Variants in SUCO observed in about 807,000 individuals in gnomAD.
The protein encoded by SUCO is SUN domain containing ossification factor.
A neutral mutation model predicts 148.1 loss-of-function variants in SUCO; 57 were observed. The ratio of observed to expected loss-of-function variants is 0.38; its 90% confidence interval spans 0.31 to 0.48. The LOEUF (loss-of-function observed/expected upper bound fraction) is 0.48. Among genes scored for constraint, SUCO ranks in the 20% least tolerant of loss-of-function variants. The pLI, the probability that SUCO is intolerant of heterozygous loss-of-function variation, is 0.96. For missense variants in SUCO, 1,331 were observed against 1,468.2 expected (o/e 0.91, Z 1.53); for synonymous variants, 470 against 502.7 (o/e 0.93, Z 0.87).
chr1:172,595,232 C>G (rs902672551), intron 19 of SUCO, among the ~76,000 whole-genome samples: 1 of 151,800 alleles, frequency 6.6e-6, no homozygotes, highest in Non-Finnish European at 1.5e-5. Context: ...CTTGACTATC[C>G]AATTTGCCAG....
At chr1:172,591,639 A>G (rs1571270547) in intron 19 of SUCO, among the ~76,000 whole-genome samples, 1 of 151,986 alleles carries the variant, frequency 6.6e-6, no homozygotes, top group Non-Finnish European at 1.5e-5. Flanking sequence ...ATAGTATTCC[A>G]TGGTGTATAT....
intron 19 of SUCO, among the ~76,000 whole-genome samples, chr1:172,593,219 A>T (rs1656806016): frequency 1.3e-5 from 2 of 152,256 alleles, no homozygotes; most frequent in South Asian, 4.1e-4. Context: ...GTTATCTGCA[A>T]ACAGGGACAA....
chr1:172,609,536 C>T (rs1658075082), intron 23 of SUCO: 3 of 976,220 alleles, frequency 3.1e-6, no homozygotes, highest in African/African-American at 1.8e-5. Context: ...TGCTCTCTGG[C>T]AGTTAGTAGG....
intron 22 of SUCO, among the ~76,000 whole-genome samples, chr1:172,604,086 A>G (rs1405851512): frequency 6.6e-6 from 1 of 151,936 alleles, no homozygotes; most frequent in Non-Finnish European, 1.5e-5. Flanking sequence ...TCAGCTGCGT[A>G]TGAGAGTTAC....
intron 22 of SUCO, chr1:172,603,005 T>C: frequency 2.2e-6 from 1 of 450,140 alleles, no homozygotes; most frequent in Non-Finnish European, 3.9e-6. Flanking sequence ...TTAGTTTAAT[T>C]AGCAGTTGGT....
In SUCO at chr1:172,572,366, T is replaced by C. The variant is rs1357066241; in HGVS notation, c.1050-1525T>C. On this transcript the variant is annotated intron_variant, in intron 9 of 23. Transcript: ENST00000263688. ...TTTGTTCTGTACTAAGAAAAATTCTTCTGCCTTGTGATCCTGTTGATCGGT... is the reference window on the plus strand; with the variant it reads ...TTTGTTCTGTACTAAGAAAAATTCTCCTGCCTTGTGATCCTGTTGATCGGT... 2.0e-5 allele frequency among the ~76,000 whole-genome samples: 3 copies of C among 151,948 alleles called. No homozygotes were observed. In the East Asian group the frequency reaches 5.8e-4, roughly 30 times the overall value.
chr1:172,557,312 C>T lies in SUCO; in HGVS notation c.476C>T (p.Ala159Val). Residue 159 changes from alanine to valine, a missense_variant, in exon 5 of 24, where the codon GCC (alanine) becomes GTC (valine). Coordinates refer to ENST00000263688, the MANE Select transcript of SUCO (RefSeq NM_014283.5). ...EIEKSGTIPI[A>V]KPSETEQSET... is the part of the protein sequence containing the mutation. ...GAAAAATCTGGTACTATTCCGATAG[C>T]CAAACCAAGTGAAACTGAGCAGTCT... The T allele has an allele frequency of 6.2e-7, 1 of 1,613,764 alleles. No homozygotes were observed.
At chr1:172,575,711 A>C (rs1179496079) in intron 11 of SUCO, 88 bp downstream of exon 11, 2 of 857,186 alleles carry the variant, frequency 2.3e-6, no homozygotes, top group Non-Finnish European at 3.7e-6. Context: ...TAGAAATCAG[A>C]AAAGTTAAGA....
At position 172,575,610 on chromosome 1, in the gene SUCO, CA is replaced by C; in HGVS notation, c.1254del (p.Lys418AsnfsTer10). The C allele has an allele frequency of 6.2e-7, 1 of 1,604,246 alleles. No individual in the cohort carries two copies. Among genetic ancestry groups the C allele is most frequent in the Non-Finnish European group, 8.5e-7 (1 of 1,171,928 alleles). On this transcript the variant is annotated frameshift_variant, in exon 11 of 24. Coordinates refer to ENST00000263688, the MANE Select transcript of SUCO (RefSeq NM_014283.5). LOFTEE classifies it high-confidence loss of function. The stretch of plus-strand genomic sequence containing the variant: ...TTCCCTTTAGATGAACAGATGTATG[CA>C]AAATATGTCAAGGTAATGTTTACAC... ...QSFPLDEQMY[A>X]KYVKMFIKYI... is the part of the protein sequence containing the mutation.
intron 9 of SUCO, among the ~76,000 whole-genome samples, chr1:172,571,561 T>A (rs950098387): frequency 0.011 from 1,585 of 144,418 alleles, 34 homozygotes; most frequent in African/African-American, 0.038. Flanking sequence ...GGCTGCCCAG[T>A]CTGGAAAGTG....
At chr1:172,550,867 A>G in intron 1 of SUCO, 1 of 976,858 alleles carries the variant, frequency 1.0e-6, no homozygotes, top group Non-Finnish European at 1.2e-6. Context: ...TTTGCATAGC[A>G]AATCAAGTTG....
chr1:172,544,318 TAGG>T, intron 1 of SUCO: 1 of 172,244 alleles, frequency 5.8e-6, no homozygotes, highest in Middle Eastern at 3.0e-3. Context: ...TAGTTCAAAG[TAGG>T]AGCTCAATAG....
Position 172,557,353 on chromosome 1 carries a change from G to A in SUCO, c.517G>A (p.Val173Ile). ...TGAGCAGTCTGAAACTGATTGTGAT[G>A]TTGGTGAGGCCCTTGATGCTAGTGC... is the stretch of plus-strand genomic sequence containing the variant. ...ETEQSETDCD[V>I]GEALDASAPI... The change falls in exon 5 of 24, where the codon GTT becomes ATT. Residue 173 changes from valine (V) to isoleucine (I), a missense_variant. By Grantham distance (29) the Val-to-Ile change is conservative (BLOSUM62 3). Transcript: ENST00000263688. 6.2e-7 allele frequency: 1 copy of A among 1,614,054 alleles called. No individual in the cohort carries two copies. The highest frequency in any genetic ancestry group is 8.5e-7 in the Non-Finnish European group (1 of 1,179,922).
intron 6 of SUCO, among the ~76,000 whole-genome samples, chr1:172,562,217 A>G (rs1215868452): frequency 6.6e-6 from 1 of 152,050 alleles, no homozygotes; most frequent in East Asian, 1.9e-4. Flanking sequence ...AAAAAAAGCT[A>G]AAAGAGTTAA....
At chr1:172,604,396 T>A (rs1657726491) in intron 22 of SUCO, among the ~76,000 whole-genome samples, 1 of 151,938 alleles carries the variant, frequency 6.6e-6, no homozygotes. Flanking sequence ...AATTCATTTA[T>A]TTCTTCTGTT....
At position 172,579,086 on chromosome 1, in the gene SUCO, TATC is replaced by T. The variant is rs555169932; in HGVS notation, c.1433-113_1433-111del. 7.8e-4 allele frequency: 488 copies of T among 628,574 alleles called. 3 individuals are homozygous for T. In the African/African-American group the frequency reaches 8.6e-3, roughly 11 times the overall value. 38.9% of individuals were successfully genotyped at this position (628,574 alleles called of 1,614,324 possible). On this transcript the variant is annotated intron_variant, in intron 14 of 23. Coordinates refer to ENST00000263688, the MANE Select transcript of SUCO (RefSeq NM_014283.5). ...ATGTTTTAGATATATGATTCATATT[TATC>T]ATAAAATGTTTTAAATGTCAGCTGA... is the stretch of plus-strand genomic sequence containing the variant.
chr1:172,569,107 G>A lies in SUCO; in HGVS notation c.821G>A (p.Trp274Ter). The A allele has an allele frequency of 6.3e-7, 1 of 1,578,006 alleles. No individual in the cohort carries two copies. The highest frequency in any genetic ancestry group is 1.4e-5 in the African/African-American group (1 of 73,280). ...DPEDIPTFDE[W>*]KKKVMEVEKE... ...GAAGATATACCAACATTTGATGAAT[G>A]GAAGAAGAAAGTTATGGAAGTAGAA... Residue 274 changes from tryptophan (W) to a stop codon, truncating the protein, a stop_gained, in exon 7 of 24, where the codon TGG becomes TAG. Transcript: ENST00000263688. LOFTEE classifies it high-confidence loss of function.
At chr1:172,601,958 C>A in intron 20 of SUCO, 106 bp from the exon 21 acceptor site, 1 of 1,155,712 alleles carries the variant, frequency 8.7e-7, no homozygotes, top group Non-Finnish European at 1.2e-6. Context: ...CTTTGAAGCA[C>A]ATTAAAAAAA....
At chr1:172,609,438 GAAC>G (rs1399717662) in intron 23 of SUCO, 7 of 909,772 alleles carry the variant, frequency 7.7e-6, no homozygotes, top group Non-Finnish European at 9.2e-6. Flanking sequence ...CCAAACATCT[GAAC>G]CTTGCTTTTC....
Sources: gnomAD v4.1 joint callset for allele counts (sites outside exome capture counted in the v4.1 genomes callset) on GRCh38, gnomAD v4.1.1 for gene constraint, MANE v1.5 for transcripts, NCBI Gene and HGNC (gene_info 2026-07-23, HGNC 2026-07-21) for gene names.